Variants in MGAM observed in about 807,000 individuals in gnomAD.
The protein encoded by MGAM is maltase-glucoamylase, also known as alpha-1,4-glucosidase.
Under a neutral mutation model 358.8 loss-of-function variants are expected in MGAM, and 253 were observed. The observed-to-expected ratio is 0.71, with a 90% CI of 0.64 to 0.78. MGAM has a LOEUF of 0.78. Ranked by LOEUF, MGAM falls within the 30% of genes least tolerant of loss-of-function variation. The probability of loss-of-function intolerance (pLI) is 0.00; values close to 1 mark genes in which losing one functional copy is unlikely to be tolerated. For missense variants in MGAM, 3,080 were observed against 3,432.6 expected, an observed-to-expected ratio of 0.90 and a Z score of 2.57; for synonymous variants, 1,105 against 1,227.1, an observed-to-expected ratio of 0.90 and a Z score of 2.08.
chr7:142,033,057 G>T, intron 14 of MGAM, 148 bp downstream of exon 14: 1 of 500,044 alleles, frequency 2.0e-6, no homozygotes. Context: ...AGGAAAACTA[G>T]GAAGGAAAAT....
At position 142,027,136 on chromosome 7, in the gene MGAM, CA is replaced by C; in HGVS notation, c.1005del (p.Ala336ProfsTer29). On this transcript the variant is annotated frameshift_variant, in exon 9 of 71. Coordinates refer to ENST00000475668, the MANE Select transcript of MGAM (RefSeq NM_001365693.1). LOFTEE classifies it high-confidence loss of function. ...NAMEVVLQPA[P>X]AITYRTIGGI... ...CAAGAGGTTGTCCTTCAGCCTGCGC[CA>C]GCCATCACTTACCGCACCATTGGGG... is the stretch of plus-strand genomic sequence containing the variant. 1 of 1,613,192 alleles carries C rather than the reference CA, an allele frequency of 6.2e-7. No homozygotes were observed. Among genetic ancestry groups the C allele is most frequent in the Non-Finnish European group, 8.5e-7 (1 of 1,179,292 alleles).
chr7:142,060,834 A>G (rs1812110500), intron 34 of MGAM, among the ~76,000 whole-genome samples: 1 of 151,840 alleles, frequency 6.6e-6, no homozygotes, highest in Non-Finnish European at 1.5e-5. Flanking sequence ...TTTTTTCCCC[A>G]TGAACAGGTG....
At chr7:142,036,370 G>C in intron 17 of MGAM, 85 bp downstream of exon 17, 1 of 1,005,782 alleles carries the variant, frequency 9.9e-7, no homozygotes, top group Admixed American at 2.0e-5. Context: ...GAGATCTGCT[G>C]AACCAACCTC....
intron 2 of MGAM, among the ~76,000 whole-genome samples, chr7:141,988,254 C>T (rs1554446606): frequency 6.6e-6 from 1 of 151,974 alleles, no homozygotes; most frequent in Admixed American, 6.5e-5. Context: ...CGCCACTGCA[C>T]TTCAGCACTT....
intron 65 of MGAM, among the ~76,000 whole-genome samples, chr7:142,097,120 G>A (rs1163516491): frequency 6.6e-6 from 1 of 151,472 alleles, no homozygotes; most frequent in Non-Finnish European, 1.5e-5. Context: ...TTTATTTTTA[G>A]TAGAAACAGC....
chr7:142,055,194 A>T (rs1811384434), intron 27 of MGAM, among the ~76,000 whole-genome samples: 1 of 152,176 alleles, frequency 6.6e-6, no homozygotes, highest in African/African-American at 2.4e-5. Flanking sequence ...TCTTCTCATG[A>T]CAACAAATAA....
At chr7:142,084,805 C>A (rs1437043372) in intron 54 of MGAM, among the ~76,000 whole-genome samples, 161 bp downstream of exon 54, 10 of 146,268 alleles carry the variant, frequency 6.8e-5, no homozygotes, top group African/African-American at 2.4e-4. Flanking sequence ...GAGGTAAGGG[C>A]CCTTGTTTCC....
intron 48 of MGAM, 131 bp downstream of exon 48, chr7:142,078,601 A>G: frequency 2.7e-6 from 3 of 1,131,526 alleles, no homozygotes; most frequent in South Asian, 3.3e-5. Context: ...CATGATCTGG[A>G]TGTGACAAGT....
chr7:142,072,851 A>G lies in MGAM; in HGVS notation c.5187-1234A>G, dbSNP rs1813452233. On this transcript the variant is annotated intron_variant, in intron 44 of 70. Coordinates refer to ENST00000475668, the MANE Select transcript of MGAM (RefSeq NM_001365693.1). ...TTGGATTACTAGGCTTAATAGCCCA[A>G]TTTTAACCTTGCTGTGGGAATTTGC... 1.4e-5 allele frequency among the ~76,000 whole-genome samples: 2 copies of G among 146,346 alleles called. 1 individual carries two copies. The highest frequency in any genetic ancestry group is 4.9e-5 in the African/African-American group (2 of 41,088).
intron 3 of MGAM, among the ~76,000 whole-genome samples, chr7:142,012,165 A>G (rs1169369714): frequency 6.6e-6 from 1 of 152,112 alleles, no homozygotes; most frequent in Non-Finnish European, 1.5e-5. Context: ...TCATGTGGAG[A>G]CTTTCTGGTT....
At chr7:142,022,733 T>A (rs1806582575) in intron 7 of MGAM, among the ~76,000 whole-genome samples, 1 of 152,148 alleles carries the variant, frequency 6.6e-6, no homozygotes, top group African/African-American at 2.4e-5. Flanking sequence ...AGGTACTCAA[T>A]AAATGCCAAC....
chr7:142,064,778 A>G lies in MGAM; in HGVS notation c.4484+256A>G, dbSNP rs75259406. Among the ~76,000 whole-genome samples the G allele has an allele frequency of 5.7e-3, 869 of 152,318 alleles. 9 individuals are homozygous for G. Among genetic ancestry groups the G allele is most frequent in the African/African-American group, 0.019 (799 of 41,582 alleles). On this transcript the variant is annotated intron_variant, in intron 37 of 70. Transcript: ENST00000475668. ...AATGATCCTAGTGGGAAAGACTCAC[A>G]TGGAGACACCATAATGGTCACACAG...
chr7:142,014,418 T>C (rs2128990129), intron 3 of MGAM, among the ~76,000 whole-genome samples: 2 of 152,292 alleles, frequency 1.3e-5, no homozygotes, highest in East Asian at 3.9e-4. Context: ...TAGGCAGTTC[T>C]ATATTATTTT....
chr7:142,095,858 G>A, intron 64 of MGAM, 145 bp downstream of exon 64: 1 of 1,284,488 alleles, frequency 7.8e-7, no homozygotes. Flanking sequence ...ACTCTCTTTA[G>A]CACAGTGCTA....
At chr7:142,077,292 T>C (rs551973440) in intron 47 of MGAM, among the ~76,000 whole-genome samples, 4 of 145,772 alleles carry the variant, frequency 2.7e-5, no homozygotes, top group Non-Finnish European at 4.7e-5. Flanking sequence ...CAGTCTCATA[T>C]TGATCCTTGA....
chr7:142,068,554 C>A, intron 42 of MGAM, 93 bp from the exon 43 acceptor site: 1 of 1,024,416 alleles, frequency 9.8e-7, no homozygotes. Flanking sequence ...GGTCCAAAGC[C>A]ATCACAATTA....
intron 6 of MGAM, 71 bp from the exon 7 acceptor site, chr7:142,022,197 G>A (rs1040239883): frequency 1.2e-5 from 17 of 1,407,186 alleles, no homozygotes; most frequent in East Asian, 7.2e-5. Flanking sequence ...TATAAAGGAC[G>A]CTTTTCTAAG....
rs1460617172 is a variant in MGAM, at chr7:142,069,630, C to T, written c.5061+927C>T. ...AAGGATGTGCAATTTTGTTCCTTCT[C>T]TTCTCAGTCCATTGGAGCCCAAGTC... On this transcript the variant is annotated intron_variant, in intron 43 of 70. Coordinates refer to ENST00000475668, the MANE Select transcript of MGAM (RefSeq NM_001365693.1). Among the ~76,000 whole-genome samples the T allele has an allele frequency of 9.6e-5, 14 of 145,432 alleles. 3 individuals carry two copies. Among genetic ancestry groups the T allele is most frequent in the Non-Finnish European group, 3.1e-5 (2 of 64,280 alleles).
chr7:142,030,735 G>C lies in MGAM; in HGVS notation c.1448G>C (p.Gly483Ala). The C allele has an allele frequency of 6.2e-7, 1 of 1,609,198 alleles. No individual in the cohort carries two copies. The highest frequency in any genetic ancestry group is 8.5e-7 in the Non-Finnish European group (1 of 1,175,698). The part of the protein sequence containing the change: ...DMKIWVNSSD[G>A]VTPLIGEVWP... Reference sequence around the variant, plus strand: ...AAGATATGGGTGAATAGTTCAGATGGAGTGACTCCACTCATTGGGGAGGTA... The same window carrying C: ...AAGATATGGGTGAATAGTTCAGATGCAGTGACTCCACTCATTGGGGAGGTA... Residue 483 changes from glycine (G) to alanine (A), a missense_variant, in exon 12 of 71, where the codon GGA (glycine) becomes GCA (alanine). Coordinates refer to ENST00000475668, the MANE Select transcript of MGAM (RefSeq NM_001365693.1).
Sources: allele counts gnomAD v4.1 joint callset (sites outside exome capture counted in the v4.1 genomes callset), GRCh38; gene constraint gnomAD v4.1.1; transcripts MANE v1.5; gene names NCBI Gene and HGNC (gene_info 2026-07-23, HGNC 2026-07-21).